The following CTCF variants were observed in gnomAD, a reference collection of about 807,000 sequenced individuals.
The protein encoded by CTCF is transcriptional repressor CTCF.
CTCF carries 7 observed loss-of-function variants against 72.3 expected under a neutral mutation model. The observed-to-expected ratio is 0.10, with a 90% CI of 0.06 to 0.18. The LOEUF (loss-of-function observed/expected upper bound fraction) is 0.18. Ranked by LOEUF, CTCF falls within the 10% of genes least tolerant of loss-of-function variation. The pLI, the probability that CTCF is intolerant of heterozygous loss-of-function variation, is 1.00. For synonymous variants in CTCF, 374 were observed against 315.8 expected (o/e 1.18, Z -1.95); for missense variants, 516 against 949.1 (o/e 0.54, Z 6.00).
intron 2 of CTCF, among the ~76,000 whole-genome samples, chr16:67,599,359 C>T (rs537253485): frequency 1.1e-3 from 171 of 152,266 alleles, no homozygotes; most frequent in Middle Eastern, 0.01. Flanking sequence ...CGTGCCACTG[C>T]GCTCCAGCCT....
chr16:67,598,570 G>A (rs998817337), intron 2 of CTCF, among the ~76,000 whole-genome samples: 3 of 152,136 alleles, frequency 2.0e-5, no homozygotes, highest in Non-Finnish European at 4.4e-5. Context: ...TAAAAAAATG[G>A]CAACATGATC....
At chr16:67,586,426 AC>A (rs2051669489) in intron 2 of CTCF, among the ~76,000 whole-genome samples, 1 of 151,884 alleles carries the variant, frequency 6.6e-6, no homozygotes, top group East Asian at 1.9e-4. Context: ...AATCCCAGCT[AC>A]TCAGGAGGCT....
chr16:67,578,651 A>T (rs1046718056), intron 2 of CTCF, among the ~76,000 whole-genome samples: 1 of 151,064 alleles, frequency 6.6e-6, no homozygotes, highest in South Asian at 2.1e-4. Context: ...GTATCTTTTT[A>T]AAAAAGCACA....
intron 2 of CTCF, among the ~76,000 whole-genome samples, chr16:67,581,130 G>C (rs908471375): frequency 1.3e-5 from 2 of 150,848 alleles, no homozygotes; most frequent in African/African-American, 2.4e-5. Flanking sequence ...GGGTTTCACC[G>C]TGTTAGCCAG....
At chr16:67,563,922 G>A (rs1473041592) in intron 1 of CTCF, 1 of 152,192 alleles carries the variant, frequency 6.6e-6, no homozygotes, top group East Asian at 1.9e-4. Flanking sequence ...CTGGTAATTT[G>A]CCCATGCGAT....
At chr16:67,574,648 A>G (rs2051470224) in intron 2 of CTCF, among the ~76,000 whole-genome samples, 1 of 129,348 alleles carries the variant, frequency 7.7e-6, no homozygotes, top group African/African-American at 3.0e-5. Flanking sequence ...AGCCAAAAGC[A>G]TCTTTTTTTT....
intron 8 of CTCF, 74 bp downstream of exon 8, chr16:67,626,789 T>C (rs1383355653): frequency 9.2e-7 from 1 of 1,089,100 alleles, no homozygotes; most frequent in Non-Finnish European, 1.2e-6. Context: ...ACATATCTAG[T>C]ACAGTGGCTG....
intron 2 of CTCF, among the ~76,000 whole-genome samples, chr16:67,592,437 G>A (rs571928933): frequency 3.3e-5 from 5 of 151,874 alleles, no homozygotes; most frequent in African/African-American, 1.2e-4. Flanking sequence ...CAGGCACAGT[G>A]GCTCATGCCT....
intron 4 of CTCF, among the ~76,000 whole-genome samples, chr16:67,613,219 C>A (rs1293262652): frequency 6.6e-6 from 1 of 152,196 alleles, no homozygotes; most frequent in African/African-American, 2.4e-5. Flanking sequence ...CAAGTCTTCT[C>A]ACATGGTTTT....
At chr16:67,624,073 G>GTGTA (rs1567613983) in intron 7 of CTCF, among the ~76,000 whole-genome samples, 1 of 52,162 alleles carries the variant, frequency 1.9e-5, no homozygotes, top group Non-Finnish European at 4.3e-5. Context: ...AATTATATAT[G>GTGTA]TGTGTGTGTG....
intron 2 of CTCF, among the ~76,000 whole-genome samples, chr16:67,609,393 C>T (rs2052026127): frequency 1.3e-5 from 2 of 152,148 alleles, no homozygotes; most frequent in Non-Finnish European, 2.9e-5. Flanking sequence ...GTCTTCCCCA[C>T]TACATGTGTA....
At chr16:67,562,893 C>G (rs898514733) in intron 1 of CTCF, among the ~76,000 whole-genome samples, 169 bp downstream of exon 1, 7 of 147,806 alleles carry the variant, frequency 4.7e-5, no homozygotes, top group Non-Finnish European at 1.1e-4. Flanking sequence ...CCCGTCGCCG[C>G]CGTGGCCCGG....
chr16:67,588,197 G>C (rs1279640486), intron 2 of CTCF, among the ~76,000 whole-genome samples: 1 of 152,194 alleles, frequency 6.6e-6, no homozygotes, highest in African/African-American at 2.4e-5. Flanking sequence ...ATAGGTTTGG[G>C]AATCATTGCT....
intron 2 of CTCF, among the ~76,000 whole-genome samples, chr16:67,572,006 G>GA (rs796742144): frequency 3.3e-5 from 5 of 152,070 alleles, no homozygotes; most frequent in Admixed American, 1.3e-4. Flanking sequence ...TCAGACCCTA[G>GA]AAAAATGTGA....
intron 2 of CTCF, among the ~76,000 whole-genome samples, chr16:67,594,720 A>G (rs986243842): frequency 1.3e-5 from 2 of 152,138 alleles, no homozygotes; most frequent in African/African-American, 4.8e-5. Context: ...TGCAGGAACC[A>G]TCTATACCTG....
At chr16:67,586,788 T>C (rs369267474) in intron 2 of CTCF, among the ~76,000 whole-genome samples, 5 of 152,248 alleles carry the variant, frequency 3.3e-5, no homozygotes, top group East Asian at 1.9e-4. Flanking sequence ...CTATACTCTT[T>C]TGTTGTTGTT....
intron 2 of CTCF, among the ~76,000 whole-genome samples, chr16:67,581,022 G>A (rs938551646): frequency 1.3e-5 from 2 of 152,000 alleles, no homozygotes. Flanking sequence ...TCCACCTCCC[G>A]GGTTCACGCC....
chr16:67,567,538 C>T (rs2051359174), intron 1 of CTCF, among the ~76,000 whole-genome samples: 1 of 152,048 alleles, frequency 6.6e-6, no homozygotes, highest in Non-Finnish European at 1.5e-5. Context: ...GATGGATTTC[C>T]TCTTAGAAGA....
At position 67,579,610 on chromosome 16, in the gene CTCF, C is replaced by CGGCCTCCCAATTGCCCT. The variant is rs964881491; in HGVS notation, c.-10+8357_-10+8373dup. On this transcript the variant is annotated intron_variant, in intron 2 of 11. Transcript: ENST00000264010. ...CTGACCTCAGGTGATCCACCTGCCT[C>CGGCCTCCCAATTGCCCT]GGCCTCCCAATTGCCCTGGCCTCCC... 9.9e-5 allele frequency among the ~76,000 whole-genome samples: 15 copies of CGGCCTCCCAATTGCCCT among 152,272 alleles called. No individual in the cohort carries two copies. In the East Asian group the frequency reaches 2.7e-3, roughly 27 times the overall value.
Sources: gnomAD v4.1 joint callset for allele counts (sites outside exome capture counted in the v4.1 genomes callset) on GRCh38, gnomAD v4.1.1 for gene constraint, MANE v1.5 for transcripts, NCBI Gene and HGNC (gene_info 2026-07-23, HGNC 2026-07-21) for gene names.